TRAF6: variants seen among roughly 807,000 people sequenced by gnomAD.
The protein encoded by TRAF6 is TNF receptor-associated factor 6.
Under a neutral mutation model 48.4 loss-of-function variants are expected in TRAF6, and 10 were observed. The ratio of observed to expected loss-of-function variants is 0.21; its 90% CI spans 0.13 to 0.35. The LOEUF (loss-of-function observed/expected upper bound fraction) is 0.35. Ranked by LOEUF, TRAF6 falls within the 10% of genes least tolerant of loss-of-function variation. The probability of loss-of-function intolerance (pLI) is 1.00; values close to 1 mark genes in which losing one functional copy is unlikely to be tolerated. For synonymous variants in TRAF6, 186 were observed against 219.6 expected, an observed-to-expected ratio of 0.85 and a Z score of 1.35; for missense variants, 397 against 661.0, an observed-to-expected ratio of 0.60 and a Z score of 4.38.
chr11:36,488,469 G>A lies in TRAF6; in HGVS notation c.*1369C>T, dbSNP rs1332278922. ...CGACTCTGATTTGGCCTCTCTGGGG[G>A]ATACAATGTCATCTCTCATTACCAG... On this transcript the variant is annotated 3_prime_UTR_variant, in exon 7 of 7. Coordinates refer to ENST00000526995, the MANE Select transcript of TRAF6 (RefSeq NM_004620.4). 1 of 152,920 alleles carries A rather than the reference G, an allele frequency of 6.5e-6. No homozygotes were observed. The highest frequency in any genetic ancestry group is 2.4e-5 in the African/African-American group (1 of 41,410). 9.5% of individuals were successfully genotyped at this position (152,920 alleles called of 1,614,324 possible).
rs1380682078 is a variant in TRAF6 at position 36,488,232 on chromosome 11, G to A, written c.*1606C>T. On this transcript the variant is annotated 3_prime_UTR_variant, in exon 7 of 7. Coordinates refer to ENST00000526995, the MANE Select transcript of TRAF6 (RefSeq NM_004620.4). ...CCATGAGCTTGTGGTACTAATGGTG[G>A]CACGGGAAACAAGGTCTCTGCTTGA... 1.4e-5 allele frequency: 2 copies of A among 146,124 alleles called. No individual in the cohort carries two copies. Among genetic ancestry groups the A allele is most frequent in the Non-Finnish European group, 3.0e-5 (2 of 66,302 alleles). 9.1% of individuals were successfully genotyped at this position (146,124 alleles called of 1,614,324 possible).
At chr11:36,492,478 G>T in intron 6 of TRAF6, 73 bp downstream of exon 6, 1 of 1,184,700 alleles carries the variant, frequency 8.4e-7, no homozygotes, top group Non-Finnish European at 1.2e-6. Context: ...CATTCTTGTT[G>T]TTATTCTCCA....
chr11:36,498,580 T>C lies in TRAF6; in HGVS notation c.357A>G (p.Pro119=), dbSNP rs1274201919. ...NEILLENQLF[P]DNFAKREILS... is the part of the protein sequence containing the mutation. ...GAATCTCACGTTTTGCAAAATTGTC[T>C]GGAAATAGTTGATTTTCCAGCAGTA... Residue 119 remains proline (P), a synonymous_variant, in exon 3 of 7, where the codon CCA becomes CCG. Coordinates refer to ENST00000526995, the MANE Select transcript of TRAF6 (RefSeq NM_004620.4). 1.2e-6 allele frequency: 2 copies of C among 1,613,624 alleles called. No individual in the cohort carries two copies. The highest frequency in any genetic ancestry group is 1.7e-6 in the Non-Finnish European group (2 of 1,179,900).
chr11:36,498,514 G>C lies in TRAF6; in HGVS notation c.423C>G (p.His141Gln), dbSNP rs1448050815. ...MVKCPNEGCL[H>Q]KMELRHLEDH... The stretch of plus-strand genomic sequence containing the variant: ...CCTCAAGATGTCTCAGTTCCATCTT[G>C]TGCAAACAACCTTCATTTGGACATT... Residue 141 changes from histidine to glutamine, a missense_variant, in exon 3 of 7, where the codon CAC becomes CAG. By Grantham distance (24) the His-to-Gln change is conservative. Coordinates refer to ENST00000526995, the MANE Select transcript of TRAF6 (RefSeq NM_004620.4). The C allele has an allele frequency of 6.2e-7, 1 of 1,611,588 alleles. No individual in the cohort carries two copies. The highest frequency in any genetic ancestry group is 8.5e-7 in the Non-Finnish European group (1 of 1,179,736).
rs937916463 is a variant in TRAF6, at chr11:36,484,296, T to C, written c.*5542A>G. Among the ~76,000 whole-genome samples the C allele has an allele frequency of 1.3e-5, 2 of 152,214 alleles. No homozygotes were observed. Among genetic ancestry groups the C allele is most frequent in the African/African-American group, 2.4e-5 (1 of 41,450 alleles). On this transcript the variant is annotated 3_prime_UTR_variant, in exon 7 of 7. Coordinates refer to ENST00000526995, the MANE Select transcript of TRAF6 (RefSeq NM_004620.4). Reference sequence around the variant, plus strand: ...ACACTGATTTTCATTCTTTTCATGATTAGTGTTTCCCCACCCTTATCTTTG... The same window carrying C: ...ACACTGATTTTCATTCTTTTCATGACTAGTGTTTCCCCACCCTTATCTTTG...
chr11:36,497,675 A>T (rs1023932236), intron 3 of TRAF6, among the ~76,000 whole-genome samples: 6 of 152,198 alleles, frequency 3.9e-5, no homozygotes. Context: ...CTAATAATTG[A>T]TCTATTTAGT....
intron 3 of TRAF6, among the ~76,000 whole-genome samples, chr11:36,497,924 G>T (rs886473004): frequency 6.8e-6 from 1 of 146,990 alleles, no homozygotes; most frequent in Non-Finnish European, 1.5e-5. Context: ...TCGCTCTGTC[G>T]CCCAGGCTGG....
At chr11:36,500,199 A>G (rs905329301) in intron 2 of TRAF6, among the ~76,000 whole-genome samples, 2 of 152,220 alleles carry the variant, frequency 1.3e-5, no homozygotes, top group Admixed American at 1.3e-4. Context: ...AAGGGAAAAA[A>G]GAAAATTAGG....
chr11:36,506,527 G>A (rs1859786668), intron 1 of TRAF6, among the ~76,000 whole-genome samples: 1 of 152,112 alleles, frequency 6.6e-6, no homozygotes, highest in Admixed American at 6.5e-5. Flanking sequence ...TATGAAGCTA[G>A]GTGTATCTTT....
At chr11:36,491,279 C>T (rs554985395) in intron 6 of TRAF6, among the ~76,000 whole-genome samples, 9 of 151,948 alleles carry the variant, frequency 5.9e-5, no homozygotes, top group Admixed American at 2.6e-4. Flanking sequence ...CCCTATTATA[C>T]GAAAAACATT....
At chr11:36,502,062 C>T (rs331457) in intron 1 of TRAF6, among the ~76,000 whole-genome samples, 22,884 of 152,134 alleles carry the variant, frequency 0.15, 1,827 homozygotes, top group African/African-American at 0.19. Context: ...TGGCTAGCAG[C>T]TCAGTGCCAG....
chr11:36,491,384 C>T (rs546218493), intron 6 of TRAF6, among the ~76,000 whole-genome samples: 127 of 152,298 alleles, frequency 8.3e-4, no homozygotes, highest in Middle Eastern at 3.4e-3. Context: ...AATATCTCAC[C>T]TAACTTCCAT....
At position 36,498,515 on chromosome 11, in the gene TRAF6, T is replaced by C; in HGVS notation, c.422A>G (p.His141Arg). 3 of 1,611,776 alleles carry C rather than the reference T, an allele frequency of 1.9e-6. No homozygotes were observed. The highest frequency in any genetic ancestry group is 2.2e-5 in the East Asian group (1 of 44,822). Reference protein sequence around the residue: ...MVKCPNEGCLHKMELRHLEDH... With the variant: ...MVKCPNEGCLRKMELRHLEDH... ...CTCAAGATGTCTCAGTTCCATCTTG[T>C]GCAAACAACCTTCATTTGGACATTT... is the stretch of plus-strand genomic sequence containing the variant. Residue 141 changes from histidine to arginine, a missense_variant, in exon 3 of 7, where the codon CAC becomes CGC. Coordinates refer to ENST00000526995, the MANE Select transcript of TRAF6 (RefSeq NM_004620.4).
At chr11:36,503,227 G>A (rs1040051952) in intron 1 of TRAF6, among the ~76,000 whole-genome samples, 1 of 151,792 alleles carries the variant, frequency 6.6e-6, no homozygotes, top group African/African-American at 2.4e-5. Context: ...GGTCTGTCCA[G>A]CACTACTACA....
intron 1 of TRAF6, among the ~76,000 whole-genome samples, chr11:36,505,090 CA>C (rs1376940897): frequency 6.6e-6 from 1 of 152,190 alleles, no homozygotes; most frequent in Non-Finnish European, 1.5e-5. Flanking sequence ...CTAGGATTTT[CA>C]AAAGTGTAAA....
chr11:36,505,788 G>A (rs1859776680), intron 1 of TRAF6, among the ~76,000 whole-genome samples: 1 of 152,172 alleles, frequency 6.6e-6, no homozygotes, highest in Non-Finnish European at 1.5e-5. Flanking sequence ...AGAGGCCATT[G>A]TAGGATTATT....
chr11:36,497,306 T>G, intron 3 of TRAF6, 40 bp from the exon 4 acceptor site: 1 of 1,576,734 alleles, frequency 6.3e-7, no homozygotes, highest in Non-Finnish European at 8.6e-7. Context: ...TAGCCAACTC[T>G]GAAGTCTTCT....
intron 2 of TRAF6, among the ~76,000 whole-genome samples, chr11:36,498,885 G>A (rs1398310439): frequency 6.6e-6 from 1 of 152,166 alleles, no homozygotes; most frequent in African/African-American, 2.4e-5. Context: ...TTTATATGGT[G>A]GGATAGATTC....
rs1457660753 is a variant in TRAF6, at chr11:36,498,541, C to T, written c.396G>A (p.Val132=). The T allele has an allele frequency of 6.2e-7, 1 of 1,612,800 alleles. No individual in the cohort carries two copies. Among genetic ancestry groups the T allele is most frequent in the Non-Finnish European group, 8.5e-7 (1 of 1,179,884 alleles). Residue 132 remains valine, a synonymous_variant, in exon 3 of 7, where the codon GTG becomes GTA. Transcript: ENST00000526995. The stretch of plus-strand genomic sequence containing the variant: ...GCAAACAACCTTCATTTGGACATTT[C>T]ACCATCAGAGAAAGAATCTCACGTT... ...FAKREILSLM[V]KCPNEGCLHK...
Sources: gnomAD v4.1 joint callset for allele counts (sites outside exome capture counted in the v4.1 genomes callset) on GRCh38, gnomAD v4.1.1 for gene constraint, MANE v1.5 for transcripts, NCBI Gene and HGNC (gene_info 2026-07-23, HGNC 2026-07-21) for gene names.